The following ZNF805 variants were observed in gnomAD, a reference collection of about 807,000 sequenced individuals.
ZNF805 encodes the protein CTC-444N24.8.
A neutral mutation model predicts 13.6 loss-of-function variants in ZNF805; 7 were observed. The ratio of observed to expected loss-of-function variants is 0.51; its 90% CI spans 0.29 to 0.97. The LOEUF (loss-of-function observed/expected upper bound fraction) is 0.97, where lower values mean the gene tolerates loss of function less well. ZNF805 is among the 50% of genes least tolerant of loss of function. The pLI is 0.08. For synonymous variants in ZNF805, 293 were observed against 279.8 expected, an observed-to-expected ratio of 1.05 and a Z score of -0.47; for missense variants, 604 against 771.0, an observed-to-expected ratio of 0.78 and a Z score of 2.57.
At chr19:57,246,302 T>A (rs1451561477) in intron 2 of ZNF805, among the ~76,000 whole-genome samples, 2 of 152,094 alleles carry the variant, frequency 1.3e-5, no homozygotes, top group African/African-American at 2.4e-5. Context: ...GCCTCCTGAG[T>A]AGCTAGGATT....
In ZNF805 at chr19:57,257,751, G is replaced by C. The variant is rs1371788241; in HGVS notation, c.*3048G>C. On this transcript the variant is annotated 3_prime_UTR_variant, in exon 4 of 4. Transcript: ENST00000414468. ...GACGGAGTTTTGTTCTTGTTGCCCA[G>C]GCTGGAGTGGAGTGGTGCGATCTCC... Among the ~76,000 whole-genome samples the C allele has an allele frequency of 7.1e-6, 1 of 140,652 alleles. No individual in the cohort carries two copies. Among genetic ancestry groups the C allele is most frequent in the Non-Finnish European group, 1.5e-5 (1 of 66,622 alleles). 92.3% of individuals were successfully genotyped at this position (140,652 alleles called of 152,430 possible). A position where few individuals can be genotyped will look rare whatever the true frequency, so the allele number is the denominator to read the frequency against.
chr19:57,254,716 T>C lies in ZNF805; in HGVS notation c.*13T>C. 1.3e-6 allele frequency: 2 copies of C among 1,592,392 alleles called. No individual in the cohort carries two copies. Among genetic ancestry groups the C allele is most frequent in the Non-Finnish European group, 1.7e-6 (2 of 1,169,574 alleles). On this transcript the variant is annotated 3_prime_UTR_variant, in exon 4 of 4. Coordinates refer to ENST00000414468, the MANE Select transcript of ZNF805 (RefSeq NM_001023563.4). Reference sequence around the variant, plus strand: ...GTCTTCACTGTGAGAAAACCTTCTGTTGCCAAATGTCATTTGTCACCTAAG... The same window carrying C: ...GTCTTCACTGTGAGAAAACCTTCTGCTGCCAAATGTCATTTGTCACCTAAG...
Position 57,255,658 on chromosome 19 carries a change from T to C in ZNF805, c.*955T>C, listed in dbSNP as rs887553708. On this transcript the variant is annotated 3_prime_UTR_variant, in exon 4 of 4. Transcript: ENST00000414468. The stretch of plus-strand genomic sequence containing the variant: ...AATATTCACATGATGTTGGCTAGTA[T>C]ACAGAAACATTATTTTTTCAATCTT... Among the ~76,000 whole-genome samples the C allele has an allele frequency of 5.9e-5, 9 of 152,308 alleles. No individual in the cohort carries two copies. In the South Asian group the frequency reaches 6.2e-4, roughly 11 times the overall value.
chr19:57,245,649 G>T (rs565053480), intron 2 of ZNF805, among the ~76,000 whole-genome samples: 1 of 149,936 alleles, frequency 6.7e-6, no homozygotes, highest in East Asian at 2.0e-4. Context: ...CGTGGTGGCG[G>T]GTGCCTGTAG....
chr19:57,246,184 T>G (rs900545745), intron 2 of ZNF805, among the ~76,000 whole-genome samples: 1 of 152,110 alleles, frequency 6.6e-6, no homozygotes, highest in Middle Eastern at 3.2e-3. Flanking sequence ...GAGCACTGTT[T>G]GTTTGTCTTG....
In ZNF805 at chr19:57,253,359, T is replaced by A; in HGVS notation, c.540T>A (p.Asp180Glu). 4.5e-6 allele frequency: 7 copies of A among 1,564,834 alleles called. No individual in the cohort carries two copies. Among genetic ancestry groups the A allele is most frequent in the Non-Finnish European group, 6.1e-6 (7 of 1,154,172 alleles). The change falls in exon 4 of 4, where the codon GAT becomes GAA. Residue 180 changes from aspartate to glutamate, a missense_variant. By Grantham distance (45) the Asp-to-Glu change is conservative. Coordinates refer to ENST00000414468, the MANE Select transcript of ZNF805 (RefSeq NM_001023563.4). This position sits in a 1 kb window ranked among gnomAD's most constrained non-coding sequence, Gnocchi z 4.4. ...TACAGGATCGAGTCTCCTTAGGAGA[T>A]GATGTCCATGACTGTGACTCACATG... ...RIIQDRVSLGDDVHDCDSHGS... is the reference protein window; with the variant it reads ...RIIQDRVSLGEDVHDCDSHGS...
In ZNF805 at chr19:57,256,872, C is replaced by T. The variant is rs927410523; in HGVS notation, c.*2169C>T. Among the ~76,000 whole-genome samples the T allele has an allele frequency of 3.3e-5, 5 of 151,952 alleles. No homozygotes were observed. The highest frequency in any genetic ancestry group is 6.6e-5 in the Admixed American group (1 of 15,258). On this transcript the variant is annotated 3_prime_UTR_variant, in exon 4 of 4. Coordinates refer to ENST00000414468, the MANE Select transcript of ZNF805 (RefSeq NM_001023563.4). ...TGTATTTGACTCAGTGGTTTCCTGA[C>T]GTGGATGTTTAGGTTATTGATTTGA...
intron 2 of ZNF805, among the ~76,000 whole-genome samples, chr19:57,248,393 T>C (rs1182570675): frequency 6.6e-6 from 1 of 152,234 alleles, no homozygotes; most frequent in Admixed American, 6.5e-5. Flanking sequence ...CTATAAATAC[T>C]AGTTTTTGAC....
Position 57,258,675 on chromosome 19 carries a change from C to T in ZNF805, c.*3972C>T, listed in dbSNP as rs745369794. Reference sequence around the variant, plus strand: ...AATATAATTGTCTAAAGTAATTCCTCTTCAAAATTGAGCACCATGTTGGAA... The same window carrying T: ...AATATAATTGTCTAAAGTAATTCCTTTTCAAAATTGAGCACCATGTTGGAA... On this transcript the variant is annotated 3_prime_UTR_variant, in exon 4 of 4. Transcript: ENST00000414468. 6.6e-6 allele frequency among the ~76,000 whole-genome samples: 1 copy of T among 152,086 alleles called. No individual in the cohort carries two copies. The highest frequency in any genetic ancestry group is 1.5e-5 in the Non-Finnish European group (1 of 68,014).
At position 57,258,665 on chromosome 19, in the gene ZNF805, AGT is replaced by A. The variant is rs1312861320; in HGVS notation, c.*3963_*3964del. Among the ~76,000 whole-genome samples the A allele has an allele frequency of 6.6e-6, 1 of 152,046 alleles. No individual in the cohort carries two copies. Among genetic ancestry groups the A allele is most frequent in the Non-Finnish European group, 1.5e-5 (1 of 67,996 alleles). ...CTTGCCTGTTAATATAATTGTCTAA[AGT>A]AATTCCTCTTCAAAATTGAGCACCA... On this transcript the variant is annotated 3_prime_UTR_variant, in exon 4 of 4. Transcript: ENST00000414468.
intron 1 of ZNF805, 37 bp from the exon 2 acceptor site, chr19:57,243,886 C>G: frequency 8.1e-6 from 13 of 1,613,958 alleles, no homozygotes; most frequent in Non-Finnish European, 1.1e-5. Context: ...TGCAATAGTC[C>G]CACAGCAAAC....
At chr19:57,244,096 G>T (rs748894184) in intron 2 of ZNF805, 47 bp downstream of exon 2, 4 of 1,589,332 alleles carry the variant, frequency 2.5e-6, no homozygotes, top group Non-Finnish European at 3.4e-6. Flanking sequence ...CACCTCCTTC[G>T]TTCCACCCTC....
At chr19:57,249,018 G>A (rs2087636021) in intron 3 of ZNF805, among the ~76,000 whole-genome samples, 2 of 152,118 alleles carry the variant, frequency 1.3e-5, no homozygotes, top group South Asian at 2.1e-4. Flanking sequence ...AATACCAACT[G>A]CTGTATCCAA....
In ZNF805 at chr19:57,255,581, T is replaced by C. The variant is rs1232035190; in HGVS notation, c.*878T>C. ...TCCTGCACATTTAAAATAAGAATTA[T>C]AGCTGCATAGTTTTTTGAGTGATTG... is the stretch of plus-strand genomic sequence containing the variant. On this transcript the variant is annotated 3_prime_UTR_variant, in exon 4 of 4. Transcript: ENST00000414468. Among the ~76,000 whole-genome samples the C allele has an allele frequency of 2.0e-5, 3 of 152,162 alleles. No homozygotes were observed. The highest frequency in any genetic ancestry group is 2.1e-4 in the South Asian group (1 of 4,832).
In ZNF805 at chr19:57,240,834, C is replaced by G. The variant is rs542700150; in HGVS notation, c.-58C>G. 2 of 1,526,616 alleles carry G rather than the reference C, an allele frequency of 1.3e-6. No individual in the cohort carries two copies. The highest frequency in any genetic ancestry group is 2.4e-5 in the South Asian group (2 of 82,580). 94.6% of individuals were successfully genotyped at this position (1,526,616 alleles called of 1,614,324 possible). A position where few individuals can be genotyped will look rare whatever the true frequency, so the allele number is the denominator to read the frequency against. ...GGAAGGGGTGGGGCTCGGCTGAGCCCGCGAGACCCGCCCTGCTCGCCGCAG... is the reference window on the plus strand; with the variant it reads ...GGAAGGGGTGGGGCTCGGCTGAGCCGGCGAGACCCGCCCTGCTCGCCGCAG... On this transcript the variant is annotated 5_prime_UTR_variant, in exon 1 of 4. Coordinates refer to ENST00000414468, the MANE Select transcript of ZNF805 (RefSeq NM_001023563.4).
rs2087674333 is a variant in ZNF805 at position 57,254,459 on chromosome 19, C to T, written c.1640C>T (p.Ala547Val). 1.9e-6 allele frequency: 3 copies of T among 1,614,232 alleles called. No homozygotes were observed. Among genetic ancestry groups the T allele is most frequent in the East Asian group, 4.5e-5 (2 of 44,890 alleles). The change falls in exon 4 of 4, where the codon GCC becomes GTC. Residue 547 changes from alanine to valine, a missense_variant. Coordinates refer to ENST00000414468, the MANE Select transcript of ZNF805 (RefSeq NM_001023563.4). ...TATGAGTGCAGTGAATGTGGAAAGG[C>T]CTTCAGTCGCAGCTCGTCCCTCACT... Reference protein sequence around the residue: ...KPYECSECGKAFSRSSSLTQH... With the variant: ...KPYECSECGKVFSRSSSLTQH...
chr19:57,240,991 G>A (rs2087576198), intron 1 of ZNF805, 70 bp downstream of exon 1: 1 of 1,483,568 alleles, frequency 6.7e-7, no homozygotes, highest in Non-Finnish European at 9.2e-7. Flanking sequence ...CAGGCCGGAA[G>A]CCAAGACAGC....
At chr19:57,248,823 G>A (rs2087634907) in intron 3 of ZNF805, 123 bp downstream of exon 3, 2 of 924,870 alleles carry the variant, frequency 2.2e-6, no homozygotes, top group South Asian at 2.9e-5. Context: ...GGGAGCCTTG[G>A]AGCCCTTTAA....
Position 57,240,695 on chromosome 19 carries a change from G to T in ZNF805, c.-197G>T, listed in dbSNP as rs1301051142. 7.8e-6 allele frequency: 4 copies of T among 515,630 alleles called. No individual in the cohort carries two copies. In the South Asian group the frequency reaches 1.2e-4, roughly 15 times the overall value. 31.9% of individuals were successfully genotyped at this position (515,630 alleles called of 1,614,324 possible). A position where few individuals can be genotyped will look rare whatever the true frequency, so the allele number is the denominator to read the frequency against. ...CCGTGGCCGCCTCCCTGGCGGCGCT[G>T]GGGAAATGAGCAGGTAGGAGGCCGA... On this transcript the variant is annotated 5_prime_UTR_variant, in exon 1 of 4. Transcript: ENST00000414468.
Sources: gnomAD v4.1 joint callset for allele counts (sites outside exome capture counted in the v4.1 genomes callset) on GRCh38, gnomAD v4.1.1 for gene constraint, Gnocchi (gnomAD v3.1) non-coding constraint, MANE v1.5 for transcripts, NCBI Gene and HGNC (gene_info 2026-07-23, HGNC 2026-07-21) for gene names.